PHF10: variants seen among roughly 807,000 people sequenced by gnomAD.
The protein encoded by PHF10 is BRG1-associated factor 45a.
Under a neutral mutation model 68.5 loss-of-function variants are expected in PHF10, and 51 were observed. The ratio of observed to expected loss-of-function variants is 0.74; its 90% CI spans 0.59 to 0.94. The LOEUF is 0.94. Among genes scored for constraint, PHF10 ranks in the 40% least tolerant of loss-of-function variants. The pLI is 0.00. For synonymous variants in PHF10, 204 were observed against 203.5 expected, an observed-to-expected ratio of 1.00 and a Z score of -0.02; for missense variants, 460 against 602.6, an observed-to-expected ratio of 0.76 and a Z score of 2.48.
At position 169,705,999 on chromosome 6, in the gene PHF10, G is replaced by C. The variant is rs556310276; in HGVS notation, c.1114-275C>G. 2.1e-4 allele frequency among the ~76,000 whole-genome samples: 32 copies of C among 152,260 alleles called. No individual in the cohort carries two copies. The South Asian group carries it at 6.6e-3, about 32-fold the overall frequency. The stretch of plus-strand genomic sequence containing the variant: ...ACATGCACAGTAAGATTTGTTTAAT[G>C]AATGGAAGGAAAGACTAAATACAAT... On this transcript the variant is annotated intron_variant, in intron 9 of 11. Transcript: ENST00000339209.
intron 2 of PHF10, among the ~76,000 whole-genome samples, chr6:169,720,567 T>A (rs1245180151): frequency 6.6e-6 from 1 of 152,146 alleles, no homozygotes; most frequent in Non-Finnish European, 1.5e-5. Context: ...ACAAATATTT[T>A]ATGGTTCCAC....
chr6:169,723,034 G>A (rs770631967), intron 1 of PHF10, among the ~76,000 whole-genome samples: 2 of 152,218 alleles, frequency 1.3e-5, no homozygotes, highest in Non-Finnish European at 2.9e-5. Flanking sequence ...AAGCTCCCAA[G>A]CAGGCGCAGC....
rs780225800 is a variant in PHF10 at position 169,710,226 on chromosome 6, T to C, written c.1113+10A>G. On this transcript the variant is annotated intron_variant, in intron 9 of 11. Transcript: ENST00000339209. Reference sequence around the variant, plus strand: ...GTAAAGAAGCTGAGTCAGGGGCTTTTTTCTTCTACCTTGTACCCAGGAACT... The same window carrying C: ...GTAAAGAAGCTGAGTCAGGGGCTTTCTTCTTCTACCTTGTACCCAGGAACT... 1.9e-6 allele frequency: 3 copies of C among 1,573,252 alleles called. No homozygotes were observed. Among genetic ancestry groups the C allele is most frequent in the South Asian group, 1.2e-5 (1 of 82,974 alleles).
intron 7 of PHF10, among the ~76,000 whole-genome samples, chr6:169,713,155 G>A (rs892912408): frequency 5.3e-5 from 8 of 152,000 alleles, no homozygotes; most frequent in African/African-American, 9.7e-5. Flanking sequence ...GCACTGCTTC[G>A]TGCCACCTCC....
At chr6:169,710,124 C>T (rs1304127021) in intron 9 of PHF10, 112 bp downstream of exon 9, 6 of 735,070 alleles carry the variant, frequency 8.2e-6, no homozygotes, top group Non-Finnish European at 1.3e-5. Flanking sequence ...CATAGAAGAA[C>T]AGCTAGTGAG....
At position 169,716,115 on chromosome 6, in the gene PHF10, TAAA is replaced by T. The variant is rs1789041828; in HGVS notation, c.410-30_410-28del. Reference sequence around the variant, plus strand: ...TATTTTAGACCAAAAAATAAAAAAATAAAGAAGCTCTTTTAAGGATAAGTGAAC... The same window carrying T: ...TATTTTAGACCAAAAAATAAAAAAATGAAGCTCTTTTAAGGATAAGTGAAC... On this transcript the variant is annotated intron_variant, in intron 4 of 11. Coordinates refer to ENST00000339209, the MANE Select transcript of PHF10 (RefSeq NM_018288.4). 5 of 1,489,844 alleles carry T rather than the reference TAAA, an allele frequency of 3.4e-6. No homozygotes were observed. The East Asian group carries it at 9.2e-5, about 27-fold the overall frequency. The allele number at this position is 1,489,844 out of a possible 1,614,324, so 92.3% of individuals were successfully genotyped here. A position where few individuals can be genotyped will look rare whatever the true frequency, so the allele number is the denominator to read the frequency against.
rs1462024497 is a variant in PHF10, at chr6:169,710,369, G to T, written c.980C>A (p.Ser327Tyr). 1.2e-6 allele frequency: 2 copies of T among 1,612,508 alleles called. No homozygotes were observed. The change falls in exon 9 of 12, where the codon TCT becomes TAT. Residue 327 changes from serine to tyrosine, a missense_variant. This residue lies in a region of PHF10 where 256 missense variants were observed against 410.5 expected (regional missense o/e 0.62). Coordinates refer to ENST00000339209, the MANE Select transcript of PHF10 (RefSeq NM_018288.4). The stretch of plus-strand genomic sequence containing the variant: ...GCTGTCAGGAGGGCTTTCCCCTTCA[G>T]ATACATTGCCAGAGGAGCTGTCCTG... ...GTSDSSSGNV[S>Y]EGESPPDSQE...
chr6:169,723,737 G>A (rs993873425), intron 1 of PHF10, 108 bp downstream of exon 1: 45 of 303,784 alleles, frequency 1.5e-4, no homozygotes, highest in Middle Eastern at 1.3e-3. Context: ...GCCCGGCCTG[G>A]GCCCACGCCC....
chr6:169,720,454 G>A (rs958579502), intron 2 of PHF10, among the ~76,000 whole-genome samples: 1 of 152,116 alleles, frequency 6.6e-6, no homozygotes, highest in Non-Finnish European at 1.5e-5. Context: ...ATAAAATGGA[G>A]TATTATTCAG....
At chr6:169,708,232 A>G (rs1788850580) in intron 9 of PHF10, 1 of 152,216 alleles carries the variant, frequency 6.6e-6, no homozygotes, top group Admixed American at 6.5e-5. Context: ...TAAGACTTTC[A>G]TGGTAGCAAT....
At chr6:169,715,120 C>G (rs184375932) in intron 6 of PHF10, among the ~76,000 whole-genome samples, 1 of 152,276 alleles carries the variant, frequency 6.6e-6, no homozygotes, top group East Asian at 1.9e-4. Context: ...CTCTGTAGCT[C>G]AATTTCTTTA....
At chr6:169,708,543 C>A (rs1004767139) in intron 9 of PHF10, 9 of 152,150 alleles carry the variant, frequency 5.9e-5, no homozygotes, top group African/African-American at 2.2e-4. Context: ...TGACTAGATA[C>A]TGGTTGTTCC....
chr6:169,715,157 C>A (rs1394624551), intron 6 of PHF10, among the ~76,000 whole-genome samples: 2 of 152,124 alleles, frequency 1.3e-5, no homozygotes, highest in African/African-American at 4.8e-5. Context: ...CTAGTTCCAA[C>A]CTCACATGGT....
At chr6:169,704,333 G>A (rs1788695923) in intron 11 of PHF10, 1 of 431,762 alleles carries the variant, frequency 2.3e-6, no homozygotes, top group East Asian at 3.7e-5. Flanking sequence ...ACGGTGATAC[G>A]GACCTTTAAG....
At chr6:169,712,850 T>G (rs1311149214) in intron 7 of PHF10, among the ~76,000 whole-genome samples, 1 of 152,072 alleles carries the variant, frequency 6.6e-6, no homozygotes, top group African/African-American at 2.4e-5. Flanking sequence ...CCAGCTCACA[T>G]CCACCTCGAC....
intron 1 of PHF10, 35 bp downstream of exon 1, chr6:169,723,810 G>C (rs954705367): frequency 2.7e-6 from 2 of 746,340 alleles, no homozygotes; most frequent in Non-Finnish European, 3.5e-6. Context: ...GCCCGGGACG[G>C]GGTCAGGGTC....
chr6:169,706,303 CTTAG>C (rs1048888075), intron 9 of PHF10, among the ~76,000 whole-genome samples: 1 of 148,838 alleles, frequency 6.7e-6, no homozygotes. Flanking sequence ...TTGTGGAAAA[CTTAG>C]TTGTGTGATT....
chr6:169,718,750 C>A, intron 3 of PHF10, 38 bp downstream of exon 3: 1 of 1,138,408 alleles, frequency 8.8e-7, no homozygotes. Context: ...TAAAGAATTA[C>A]TATCAATTAT....
chr6:169,706,618 C>G (rs985785741), intron 9 of PHF10, among the ~76,000 whole-genome samples: 6 of 151,920 alleles, frequency 3.9e-5, no homozygotes, highest in Admixed American at 1.3e-4. Context: ...TTGACTGTTA[C>G]AAAATGACGT....
Sources: gnomAD v4.1 joint callset for allele counts (sites outside exome capture counted in the v4.1 genomes callset) on GRCh38, gnomAD v4.1.1 for gene constraint, gnomAD v4.1.1 regional missense constraint, MANE v1.5 for transcripts, NCBI Gene and HGNC (gene_info 2026-07-23, HGNC 2026-07-21) for gene names.